Variants in DTX2 observed in about 807,000 individuals in gnomAD.
DTX2 encodes the protein deltex E3 ubiquitin ligase 2, also known as probable E3 ubiquitin-protein ligase DTX2.
DTX2 carries 29 observed loss-of-function variants against 55.3 expected under a neutral mutation model. The ratio of observed to expected loss-of-function variants is 0.52; its 90% CI spans 0.39 to 0.71. DTX2 has a LOEUF of 0.71. DTX2 is among the 30% of genes least tolerant of loss of function. The pLI, the probability that DTX2 is intolerant of heterozygous loss-of-function variation, is 0.00. For missense variants in DTX2, 537 were observed against 822.5 expected (o/e 0.65, Z 4.25); for synonymous variants, 276 against 340.4 (o/e 0.81, Z 2.08).
At position 76,505,296 on chromosome 7, in the gene DTX2, G is replaced by A. The variant is rs1325248480; in HGVS notation, c.1642-78G>A. The A allele has an allele frequency of 1.6e-6, 2 of 1,232,666 alleles. No individual in the cohort carries two copies. Among genetic ancestry groups the A allele is most frequent in the African/African-American group, 1.5e-5 (1 of 66,966 alleles). The allele number at this position is 1,232,666 out of a possible 1,614,324, so 76.4% of individuals were successfully genotyped here. On this transcript the variant is annotated intron_variant, in intron 10 of 10. Coordinates refer to ENST00000430490, the MANE Select transcript of DTX2 (RefSeq NM_001102594.3). This position sits in a 1 kb window ranked among gnomAD's most constrained non-coding sequence, Gnocchi z 4.4. Reference sequence around the variant, plus strand: ...GGGGCTGGGATGGGAAGAACATGGTGCCAACCCGTGCCTGCTCACTGAGCC... The same window carrying A: ...GGGGCTGGGATGGGAAGAACATGGTACCAACCCGTGCCTGCTCACTGAGCC...
At chr7:76,464,168 G>T (rs1437045054) in intron 2 of DTX2, among the ~76,000 whole-genome samples, 1 of 151,862 alleles carries the variant, frequency 6.6e-6, no homozygotes, top group Non-Finnish European at 1.5e-5. Flanking sequence ...TAGAGGGAAG[G>T]TCAGGAAGGC....
Position 76,503,489 on chromosome 7 carries a change from C to A in DTX2, c.1453C>A (p.Gln485Lys). ...TGGAGAGAAGACGGGGACCCAGCCC[C>A]AGGGAAAGATGGAGGTATTACGGTT... ...IYGEKTGTQPQGKMEVLRFQM... is the reference protein window; with the variant it reads ...IYGEKTGTQPKGKMEVLRFQM... The change falls in exon 9 of 11, where the codon CAG becomes AAG. Residue 485 changes from glutamine to lysine, a missense_variant. This residue lies in a region of DTX2 where 121 missense variants were observed against 136.8 expected (regional missense o/e 0.88). Coordinates refer to ENST00000430490, the MANE Select transcript of DTX2 (RefSeq NM_001102594.3). 2.5e-6 allele frequency: 4 copies of A among 1,613,038 alleles called. No homozygotes were observed. The highest frequency in any genetic ancestry group is 3.4e-6 in the Non-Finnish European group (4 of 1,179,950).
intron 7 of DTX2, among the ~76,000 whole-genome samples, chr7:76,501,034 C>T (rs184596432): frequency 1.4e-4 from 21 of 152,092 alleles, no homozygotes; most frequent in Non-Finnish European, 2.1e-4. Flanking sequence ...TGAACAGGAC[C>T]AATCAGACTC....
chr7:76,482,464 T>A (rs770326426), intron 3 of DTX2, 44 bp from the exon 4 acceptor site: 2 of 1,530,958 alleles, frequency 1.3e-6, no homozygotes, highest in South Asian at 2.6e-5. Flanking sequence ...CCCTGTATCT[T>A]GGGGATGCTA....
chr7:76,482,931 C>G lies in DTX2; in HGVS notation c.692C>G (p.Pro231Arg), dbSNP rs372688420. Reference protein sequence around the residue: ...LPAYPVPQHPPHRTASVFGTH... With the variant: ...LPAYPVPQHPRHRTASVFGTH... ...GCATACCCCGTCCCCCAGCACCCCCCACACAGGACCGCTTCTGTGTTTGGG... is the reference window on the plus strand; with the variant it reads ...GCATACCCCGTCCCCCAGCACCCCCGACACAGGACCGCTTCTGTGTTTGGG... Residue 231 changes from proline (P) to arginine (R), a missense_variant, in exon 4 of 11, where the codon CCA (proline) becomes CGA (arginine). Physicochemically the swap from Pro to Arg is moderately radical, Grantham distance 103 (BLOSUM62 -2). Around this residue, in one of 7 missense-constraint regions of DTX2, gnomAD observed 301 missense variants for 396.6 expected, o/e 0.76. Transcript: ENST00000430490. 7.4e-6 allele frequency: 12 copies of G among 1,613,400 alleles called. No homozygotes were observed. The highest frequency in any genetic ancestry group is 3.3e-5 in the Admixed American group (2 of 59,992).
chr7:76,473,556 G>T (rs1808178995), intron 2 of DTX2, among the ~76,000 whole-genome samples: 1 of 105,898 alleles, frequency 9.4e-6, no homozygotes, highest in African/African-American at 3.6e-5. Flanking sequence ...TGTAATCCTA[G>T]CACTTGAGGA....
chr7:76,503,212 G>GC (rs1811935474), intron 8 of DTX2, among the ~76,000 whole-genome samples: 1 of 152,232 alleles, frequency 6.6e-6, no homozygotes, highest in South Asian at 2.1e-4. Context: ...TCTCCTGATA[G>GC]CATGTCCCTT....
chr7:76,501,722 C>T (rs1811709745), intron 7 of DTX2, among the ~76,000 whole-genome samples: 1 of 152,130 alleles, frequency 6.6e-6, no homozygotes, highest in Admixed American at 6.6e-5. Flanking sequence ...CTGGCAATTC[C>T]TGTCTCCCTT....
At chr7:76,484,556 G>T (rs1809694213) in intron 4 of DTX2, among the ~76,000 whole-genome samples, 1 of 121,588 alleles carries the variant, frequency 8.2e-6, no homozygotes, top group African/African-American at 3.0e-5. Context: ...GGTGCGGGTG[G>T]TGAGGGAGTG....
chr7:76,476,751 G>C (rs1478554334), intron 2 of DTX2, among the ~76,000 whole-genome samples: 3 of 151,886 alleles, frequency 2.0e-5, no homozygotes, highest in East Asian at 1.9e-4. Context: ...TCTAGAATTA[G>C]ATGTAGGTAT....
chr7:76,467,874 C>G (rs1325458500), intron 2 of DTX2, among the ~76,000 whole-genome samples: 1 of 152,152 alleles, frequency 6.6e-6, no homozygotes, highest in African/African-American at 2.4e-5. Context: ...TGGACAAGTG[C>G]GATGGGCATT....
chr7:76,479,724 G>T (rs1808952022), intron 2 of DTX2, among the ~76,000 whole-genome samples: 1 of 151,838 alleles, frequency 6.6e-6, no homozygotes, highest in Admixed American at 6.6e-5. Flanking sequence ...GGTGGAGGTT[G>T]CAGTGAGCCG....
At chr7:76,476,660 G>T (rs886717619) in intron 2 of DTX2, among the ~76,000 whole-genome samples, 1 of 150,966 alleles carries the variant, frequency 6.6e-6, no homozygotes, top group African/African-American at 2.4e-5. Flanking sequence ...CTGGAAGGAT[G>T]GGCGTGTTTG....
Position 76,505,457 on chromosome 7 carries a change from C to A in DTX2, c.1725C>A (p.Thr575=). 6.2e-7 allele frequency: 1 copy of A among 1,606,720 alleles called. No individual in the cohort carries two copies. The highest frequency in any genetic ancestry group is 2.3e-5 in the East Asian group (1 of 44,440). The change falls in exon 11 of 11, where the codon ACC becomes ACA. Residue 575 remains threonine (T), a synonymous_variant. Transcript: ENST00000430490. The surrounding 1 kb of genome is among the most constrained non-coding windows in gnomAD (Gnocchi z 4.4). The part of the protein sequence containing the change: ...GTSSTTGETD[T]VVWNEIHHKT... ...CCAGCACCACGGGTGAGACGGACAC[C>A]GTGGTATGGAACGAGATCCACCACA...
intron 4 of DTX2, among the ~76,000 whole-genome samples, chr7:76,483,470 A>G (rs1809555479): frequency 6.6e-6 from 1 of 152,226 alleles, no homozygotes; most frequent in South Asian, 2.1e-4. Flanking sequence ...GTGCCCGAGA[A>G]CACTGGGTCA....
At position 76,505,531 on chromosome 7, in the gene DTX2, A is replaced by G. The variant is rs1303058725; in HGVS notation, c.1799A>G (p.Asn600Ser). 1.9e-5 allele frequency: 30 copies of G among 1,609,470 alleles called. No homozygotes were observed. Among genetic ancestry groups the G allele is most frequent in the East Asian group, 4.5e-5 (2 of 44,728 alleles). ...NITGHGYPDP[N>S]YLQNVLAELA... ...ACGGGCCACGGCTATCCCGACCCCA[A>G]CTACCTGCAGAACGTGCTGGCTGAG... The change falls in exon 11 of 11, where the codon AAC becomes AGC. Residue 600 changes from asparagine (N) to serine (S), a missense_variant. Physicochemically the swap from Asn to Ser is conservative, Grantham distance 46. Transcript: ENST00000430490. This position sits in a 1 kb window ranked among gnomAD's most constrained non-coding sequence, Gnocchi z 4.4.
chr7:76,500,923 T>C (rs1811593763), intron 7 of DTX2, among the ~76,000 whole-genome samples: 1 of 152,164 alleles, frequency 6.6e-6, no homozygotes, highest in South Asian at 2.1e-4. Flanking sequence ...AAGGTTCTTA[T>C]AATTTTTTTA....
At chr7:76,474,330 C>T (rs566839780) in intron 2 of DTX2, among the ~76,000 whole-genome samples, 2 of 151,846 alleles carry the variant, frequency 1.3e-5, no homozygotes, top group South Asian at 2.1e-4. Flanking sequence ...GCTGAGATTA[C>T]AGGTGTGAGC....
At chr7:76,498,060 C>T (rs1638093) in intron 6 of DTX2, among the ~76,000 whole-genome samples, 31,067 of 146,510 alleles carry the variant, frequency 0.21, 322 homozygotes, top group Middle Eastern at 0.35. Context: ...CTTTCCCAAG[C>T]GGGTGCTGGC....
Sources: allele counts gnomAD v4.1 joint callset (sites outside exome capture counted in the v4.1 genomes callset), GRCh38; gene constraint gnomAD v4.1.1; regional missense constraint gnomAD v4.1.1; non-coding constraint Gnocchi (gnomAD v3.1); transcripts MANE v1.5; gene names NCBI Gene and HGNC (gene_info 2026-07-23, HGNC 2026-07-21).